Variants in PPP3CB observed in about 807,000 individuals in gnomAD.
PPP3CB encodes protein phosphatase 3 catalytic subunit beta, also known as serine/threonine-protein phosphatase 2B catalytic subunit beta isoform.
PPP3CB carries 8 observed loss-of-function variants against 66.4 expected under a neutral mutation model. The observed-to-expected ratio is 0.12, with a 90% CI of 0.07 to 0.22. The LOEUF (loss-of-function observed/expected upper bound fraction) is 0.22, where lower values mean the gene tolerates loss of function less well. Ranked by LOEUF, PPP3CB falls within the 10% of genes least tolerant of loss-of-function variation. The pLI is 1.00. For synonymous variants in PPP3CB, 208 were observed against 221.2 expected (o/e 0.94, Z 0.53); for missense variants, 319 against 642.5 (o/e 0.50, Z 5.44).
intron 12 of PPP3CB, among the ~76,000 whole-genome samples, chr10:73,440,658 C>A (rs2056128930): frequency 2.0e-5 from 3 of 152,164 alleles, no homozygotes; most frequent in Admixed American, 6.5e-5. Context: ...TTTATACTGA[C>A]AGAGTTTATC....
intron 9 of PPP3CB, among the ~76,000 whole-genome samples, chr10:73,455,465 C>A (rs1319503859): frequency 6.6e-6 from 1 of 152,184 alleles, no homozygotes; most frequent in Non-Finnish European, 1.5e-5. Flanking sequence ...TGTCTATTAT[C>A]ATATTTACAG....
At chr10:73,450,833 A>T (rs1418105322) in intron 10 of PPP3CB, among the ~76,000 whole-genome samples, 1 of 152,202 alleles carries the variant, frequency 6.6e-6, no homozygotes, top group Non-Finnish European at 1.5e-5. Flanking sequence ...AACGGTAGTG[A>T]CAAGACACCT....
chr10:73,494,275 G>GTTTTGTTTTTGT (rs145956932), intron 1 of PPP3CB, among the ~76,000 whole-genome samples: 1 of 151,700 alleles, frequency 6.6e-6, no homozygotes, highest in African/African-American at 2.4e-5. Flanking sequence ...GCAAATCAGT[G>GTTTTGTTTTTGT]TTTTGTTTTT....
At position 73,471,051 on chromosome 10, in the gene PPP3CB, C is replaced by A; in HGVS notation, c.809+19G>T. ...TGTTAACAACTAAAATGTGATTAAT[C>A]TTGGATATTTTTCCTTACTTATAAA... On this transcript the variant is annotated intron_variant, in intron 6 of 13. Transcript: ENST00000360663. 5 of 1,598,252 alleles carry A rather than the reference C, an allele frequency of 3.1e-6. No homozygotes were observed. Among genetic ancestry groups the A allele is most frequent in the Non-Finnish European group, 2.6e-6 (3 of 1,167,730 alleles).
intron 1 of PPP3CB, among the ~76,000 whole-genome samples, chr10:73,493,990 CATT>C (rs2057122530): frequency 1.3e-5 from 2 of 152,146 alleles, no homozygotes; most frequent in Non-Finnish European, 2.9e-5. Context: ...AGCATAAACT[CATT>C]GTTCAGGAAT....
At chr10:73,463,935 TCTC>T (rs1564557768) in intron 9 of PPP3CB, among the ~76,000 whole-genome samples, 3 of 144,818 alleles carry the variant, frequency 2.1e-5, no homozygotes, top group African/African-American at 7.8e-5. Flanking sequence ...GCGCCCGGCC[TCTC>T]CTCTTTTTTT....
At chr10:73,444,232 A>G (rs531556120) in intron 12 of PPP3CB, 238 of 167,312 alleles carry the variant, frequency 1.4e-3, no homozygotes, top group Non-Finnish European at 2.3e-3. Flanking sequence ...ACTGAAGGGC[A>G]TAAGTAATGT....
chr10:73,457,842 C>T (rs1284023178), intron 9 of PPP3CB, among the ~76,000 whole-genome samples: 3 of 151,174 alleles, frequency 2.0e-5, no homozygotes, highest in African/African-American at 7.3e-5. Flanking sequence ...ATCTAAAAAA[C>T]ACAACTCAAT....
At position 73,474,907 on chromosome 10, in the gene PPP3CB, G is replaced by C. The variant is rs376869925; in HGVS notation, c.523+12C>G. 1 of 1,611,746 alleles carries C rather than the reference G, an allele frequency of 6.2e-7. No individual in the cohort carries two copies. Among genetic ancestry groups the C allele is most frequent in the Non-Finnish European group, 8.5e-7 (1 of 1,179,428 alleles). ...CTGAGGAAGTGAAAACATTTCTTCT[G>C]GCAGTACTCACATTCCTGCTTAAAG... On this transcript the variant is annotated intron_variant, in intron 4 of 13. Transcript: ENST00000360663.
intron 9 of PPP3CB, among the ~76,000 whole-genome samples, chr10:73,455,212 C>A (rs1299720818): frequency 6.6e-6 from 1 of 152,100 alleles, no homozygotes; most frequent in African/African-American, 2.4e-5. Context: ...CTCAGCAACT[C>A]TCTTGAAATT....
In PPP3CB at chr10:73,467,686, A is replaced by G. The variant is rs1035480555; in HGVS notation, c.983-8T>C. 10 of 1,538,716 alleles carry G rather than the reference A, an allele frequency of 6.5e-6. No individual in the cohort carries two copies. The highest frequency in any genetic ancestry group is 2.3e-5 in the East Asian group (1 of 42,718). ...CATACTTTAATACAGCAGCTGCAAG[A>G]TAAGTTGAACATCAATAACTTAATA... On this transcript the variant is annotated splice_region_variant and splice_polypyrimidine_tract_variant and intron_variant, in intron 8 of 13. Coordinates refer to ENST00000360663, the MANE Select transcript of PPP3CB (RefSeq NM_021132.4).
intron 1 of PPP3CB, among the ~76,000 whole-genome samples, chr10:73,495,124 G>A (rs1249822777): frequency 6.6e-6 from 1 of 152,140 alleles, no homozygotes. Context: ...AGTGTTGATG[G>A]TTTTCTAAGT....
At position 73,440,786 on chromosome 10, in the gene PPP3CB, C is replaced by T. The variant is rs555669929; in HGVS notation, c.1367-885G>A. Reference sequence around the variant, plus strand: ...TTACAGGCATAAATTCTAATTATTTCATGATATAGACACATAGGTCATATT... The same window carrying T: ...TTACAGGCATAAATTCTAATTATTTTATGATATAGACACATAGGTCATATT... On this transcript the variant is annotated intron_variant, in intron 12 of 13. Coordinates refer to ENST00000360663, the MANE Select transcript of PPP3CB (RefSeq NM_021132.4). Among the ~76,000 whole-genome samples the T allele has an allele frequency of 1.6e-4, 24 of 152,298 alleles. No homozygotes were observed. In the South Asian group the frequency reaches 5.0e-3, roughly 32 times the overall value.
intron 1 of PPP3CB, among the ~76,000 whole-genome samples, chr10:73,480,589 C>T (rs1391132870): frequency 6.6e-6 from 1 of 152,028 alleles, no homozygotes; most frequent in Non-Finnish European, 1.5e-5. Flanking sequence ...GGATTACAGG[C>T]ATCCGCCATC....
Position 73,495,682 on chromosome 10 carries a change from A to C in PPP3CB, c.85+123T>G, listed in dbSNP as rs2057192898. 10 of 1,402,078 alleles carry C rather than the reference A, an allele frequency of 7.1e-6. No individual in the cohort carries two copies. The East Asian group carries it at 3.1e-4, about 43-fold the overall frequency. The allele number at this position is 1,402,078 out of a possible 1,614,324, so 86.9% of individuals were successfully genotyped here. ...GGGGCCCGCCCAGGGGCCACTCCCC[A>C]AGGGAGGCAGCCAGTCACTCGCCCG... is the stretch of plus-strand genomic sequence containing the variant. On this transcript the variant is annotated intron_variant, in intron 1 of 13. Coordinates refer to ENST00000360663, the MANE Select transcript of PPP3CB (RefSeq NM_021132.4).
chr10:73,439,428 A>G (rs911102319), intron 13 of PPP3CB, among the ~76,000 whole-genome samples: 1 of 152,232 alleles, frequency 6.6e-6, no homozygotes, highest in South Asian at 2.1e-4. Flanking sequence ...AGTCAGGCAC[A>G]CTAGTTTGTA....
chr10:73,477,708 G>A (rs561827685), intron 3 of PPP3CB, among the ~76,000 whole-genome samples: 1 of 152,234 alleles, frequency 6.6e-6, no homozygotes, highest in East Asian at 1.9e-4. Flanking sequence ...CTTGAGCCCA[G>A]GAGTTCAAGA....
At chr10:73,449,426 G>T (rs2056310447) in intron 10 of PPP3CB, among the ~76,000 whole-genome samples, 1 of 152,226 alleles carries the variant, frequency 6.6e-6, no homozygotes, top group Non-Finnish European at 1.5e-5. Context: ...ACAGTTCTAA[G>T]AGTAGGCAGC....
intron 9 of PPP3CB, among the ~76,000 whole-genome samples, chr10:73,459,677 T>C (rs138044274): frequency 2.4e-4 from 36 of 152,304 alleles, no homozygotes; most frequent in African/African-American, 7.9e-4. Context: ...CAGATAAACC[T>C]TGAGACCATG....
Sources: allele counts gnomAD v4.1 joint callset (sites outside exome capture counted in the v4.1 genomes callset), GRCh38; gene constraint gnomAD v4.1.1; transcripts MANE v1.5; gene names NCBI Gene and HGNC (gene_info 2026-07-23, HGNC 2026-07-21).